The following MTMR2 variants were observed in gnomAD, a reference collection of about 807,000 sequenced individuals.
MTMR2 encodes the protein myotubularin related protein 2, also known as phosphatidylinositol-3,5-bisphosphate 3-phosphatase MTMR2.
In MTMR2, 55 loss-of-function variants were observed where a neutral mutation model predicts 86.9. The observed-to-expected ratio is 0.63, with a 90% CI of 0.51 to 0.79. The LOEUF is 0.79. Among genes scored for constraint, MTMR2 ranks in the 30% least tolerant of loss-of-function variants. The probability of loss-of-function intolerance (pLI) is 0.00; values close to 1 mark genes in which losing one functional copy is unlikely to be tolerated. For missense variants in MTMR2, 659 were observed against 772.3 expected (o/e 0.85, Z 1.74); for synonymous variants, 241 against 266.8 (o/e 0.90, Z 0.94).
chr11:95,871,278 G>T (rs534895947), intron 2 of MTMR2, among the ~76,000 whole-genome samples: 1 of 152,274 alleles, frequency 6.6e-6, no homozygotes, highest in East Asian at 1.9e-4. Context: ...GGGTCAAATG[G>T]TATTTCTAGT....
At position 95,905,328 on chromosome 11, in the gene MTMR2, T is replaced by TGCGCGCGCGC. The variant is rs201740423; in HGVS notation, c.81-17068_81-17067insGCGCGCGCGC. Among the ~76,000 whole-genome samples, 126 of 47,832 alleles carry TGCGCGCGCGC rather than the reference T, an allele frequency of 2.6e-3. 2 individuals are homozygous for TGCGCGCGCGC. Among genetic ancestry groups the TGCGCGCGCGC allele is most frequent in the African/African-American group, 8.1e-3 (119 of 14,762 alleles). The allele number at this position is 47,832 out of a possible 152,430, so 31.4% of individuals were successfully genotyped here. ...ATTCTTACACACACACGCACGCACCTGCGCACACACACACACACACACACA... is the reference window on the plus strand; with the variant it reads ...ATTCTTACACACACACGCACGCACCTGCGCGCGCGCGCGCACACACACACACACACACACA... On this transcript the variant is annotated intron_variant, in intron 1 of 14. Coordinates refer to ENST00000346299, the MANE Select transcript of MTMR2 (RefSeq NM_016156.6).
chr11:95,911,132 T>G (rs890362321), intron 1 of MTMR2, among the ~76,000 whole-genome samples: 1 of 152,182 alleles, frequency 6.6e-6, no homozygotes, highest in African/African-American at 2.4e-5. Context: ...GACAACATGT[T>G]GTATTCTTCC....
At chr11:95,856,068 T>C (rs1334826171) in intron 7 of MTMR2, among the ~76,000 whole-genome samples, 1 of 152,094 alleles carries the variant, frequency 6.6e-6, no homozygotes, top group Non-Finnish European at 1.5e-5. Flanking sequence ...CTCCAAAATA[T>C]ATTAATGAAG....
At position 95,847,708 on chromosome 11, in the gene MTMR2, AC is replaced by A; in HGVS notation, c.1179+5del. 6.2e-7 allele frequency: 1 copy of A among 1,608,768 alleles called. No homozygotes were observed. The highest frequency in any genetic ancestry group is 8.5e-7 in the Non-Finnish European group (1 of 1,175,178). The stretch of plus-strand genomic sequence containing the variant: ...CTTTGTTTGGGATATAGTAACACAC[AC>A]CCACCTTAATATGTTCTAGCCAATG... On this transcript the variant is annotated splice_donor_5th_base_variant and intron_variant, in intron 10 of 14. Transcript: ENST00000346299.
rs186636206 is a variant in MTMR2 at position 95,911,764 on chromosome 11, C to G, written c.80+12111G>C. On this transcript the variant is annotated intron_variant, in intron 1 of 14. Coordinates refer to ENST00000346299, the MANE Select transcript of MTMR2 (RefSeq NM_016156.6). ...AAACTAAAGTATACAGGCAAAAACA[C>G]TAAAAGAGAGAAGGTGATCTATTCC... Among the ~76,000 whole-genome samples the G allele has an allele frequency of 3.3e-5, 5 of 152,222 alleles. No individual in the cohort carries two copies. The East Asian group carries it at 9.6e-4, about 29-fold the overall frequency.
chr11:95,904,782 T>G (rs1160259154), intron 1 of MTMR2, among the ~76,000 whole-genome samples: 2 of 152,188 alleles, frequency 1.3e-5, no homozygotes, highest in Non-Finnish European at 2.9e-5. Context: ...TTGCTTTCAC[T>G]TTACTCTATG....
At chr11:95,888,410 T>C in intron 1 of MTMR2, 149 bp from the exon 2 acceptor site, 1 of 647,416 alleles carries the variant, frequency 1.5e-6, no homozygotes, top group Admixed American at 2.4e-5. Context: ...CTCTAAGTCT[T>C]AACAAATTAC....
At chr11:95,900,802 G>C (rs1274400892) in intron 1 of MTMR2, among the ~76,000 whole-genome samples, 1 of 152,142 alleles carries the variant, frequency 6.6e-6, no homozygotes, top group Non-Finnish European at 1.5e-5. Flanking sequence ...TTGATTACCT[G>C]AATCTACATG....
At chr11:95,909,229 A>G (rs184875110) in intron 1 of MTMR2, among the ~76,000 whole-genome samples, 229 of 151,654 alleles carry the variant, frequency 1.5e-3, no homozygotes, top group Middle Eastern at 3.4e-3. Flanking sequence ...GTGGGGGGGG[A>G]AAATTACTCT....
At chr11:95,901,128 T>G (rs1057227347) in intron 1 of MTMR2, among the ~76,000 whole-genome samples, 1 of 152,220 alleles carries the variant, frequency 6.6e-6, no homozygotes, top group African/African-American at 2.4e-5. Context: ...TTCTCTCTTC[T>G]TAATTTCTCT....
At chr11:95,923,612 TG>T (rs1385277447) in intron 1 of MTMR2, 2 of 1,300,648 alleles carry the variant, frequency 1.5e-6, no homozygotes, top group Admixed American at 6.2e-5. Flanking sequence ...AGTAATTAAC[TG>T]GGACCACCTC....
chr11:95,837,881 C>A (rs1863355981), intron 13 of MTMR2, among the ~76,000 whole-genome samples: 1 of 152,002 alleles, frequency 6.6e-6, no homozygotes. Context: ...ATGAACTCAG[C>A]AGACAGCTAG....
At chr11:95,860,283 C>G (rs566677427) in intron 5 of MTMR2, among the ~76,000 whole-genome samples, 1 of 152,256 alleles carries the variant, frequency 6.6e-6, no homozygotes, top group East Asian at 1.9e-4. Context: ...GGGCAGATCA[C>G]TTGAGGCCAG....
intron 1 of MTMR2, among the ~76,000 whole-genome samples, chr11:95,907,063 C>T (rs1866306568): frequency 6.6e-6 from 1 of 151,894 alleles, no homozygotes; most frequent in African/African-American, 2.4e-5. Context: ...TACAAAAGAT[C>T]AAGGAAAGTG....
At chr11:95,922,291 G>A (rs922522229) in intron 1 of MTMR2, among the ~76,000 whole-genome samples, 1 of 152,164 alleles carries the variant, frequency 6.6e-6, no homozygotes, top group South Asian at 2.1e-4. Flanking sequence ...TGCTTCATGT[G>A]GTTCTAACTT....
chr11:95,847,677 G>T (rs1233966041), intron 10 of MTMR2, 37 bp downstream of exon 10: 2 of 1,522,240 alleles, frequency 1.3e-6, no homozygotes, highest in African/African-American at 2.7e-5. Flanking sequence ...AAGGGGTAGA[G>T]AGAGTCTTTG....
chr11:95,888,076 T>G (rs1179711440), intron 2 of MTMR2, 80 bp downstream of exon 2: 1 of 1,068,108 alleles, frequency 9.4e-7, no homozygotes, highest in Non-Finnish European at 1.4e-6. Context: ...TATCTCCTGC[T>G]AAATTAGTTA....
At chr11:95,859,886 G>T (rs1042101049) in intron 5 of MTMR2, among the ~76,000 whole-genome samples, 1 of 152,094 alleles carries the variant, frequency 6.6e-6, no homozygotes, top group Non-Finnish European at 1.5e-5. Context: ...ATAAACATGT[G>T]CGGGAACCTA....
At chr11:95,880,208 G>C (rs1196740327) in intron 2 of MTMR2, among the ~76,000 whole-genome samples, 2 of 152,020 alleles carry the variant, frequency 1.3e-5, no homozygotes, top group Non-Finnish European at 2.9e-5. Context: ...TGAAGCAAGA[G>C]AGAAACTGTA....
Sources: gnomAD v4.1 joint callset for allele counts (sites outside exome capture counted in the v4.1 genomes callset) on GRCh38, gnomAD v4.1.1 for gene constraint, MANE v1.5 for transcripts, NCBI Gene and HGNC (gene_info 2026-07-23, HGNC 2026-07-21) for gene names.